Variants in KCNIP4 observed in about 807,000 individuals in gnomAD.
KCNIP4 encodes the protein potassium voltage-gated channel interacting protein 4.
KCNIP4 carries 12 observed loss-of-function variants against 34.0 expected under a neutral mutation model. The observed-to-expected ratio is 0.35, with a 90% CI of 0.23 to 0.57. The LOEUF (loss-of-function observed/expected upper bound fraction) is 0.57. Ranked by LOEUF, KCNIP4 falls within the 20% of genes least tolerant of loss-of-function variation. The pLI, the probability that KCNIP4 is intolerant of heterozygous loss-of-function variation, is 0.83. For missense variants in KCNIP4, 238 were observed against 311.7 expected (o/e 0.76, Z 1.78); for synonymous variants, 124 against 102.2 (o/e 1.21, Z -1.29).
chr4:21,042,946 A>G (rs1224675123), intron 1 of KCNIP4, among the ~76,000 whole-genome samples: 1 of 152,234 alleles, frequency 6.6e-6, no homozygotes, highest in Non-Finnish European at 1.5e-5. Context: ...GAGCAATCAG[A>G]GTTCTAAATG....
At chr4:21,337,223 A>G (rs1716264236) in intron 1 of KCNIP4, among the ~76,000 whole-genome samples, 1 of 152,146 alleles carries the variant, frequency 6.6e-6, no homozygotes, top group Non-Finnish European at 1.5e-5. Context: ...GATTTTTATT[A>G]TGTCAAACTG....
At chr4:20,771,426 G>T (rs1004156335) in intron 3 of KCNIP4, among the ~76,000 whole-genome samples, 1 of 152,074 alleles carries the variant, frequency 6.6e-6, no homozygotes, top group Non-Finnish European at 1.5e-5. Flanking sequence ...ATAGTCAAAA[G>T]CATTCTAACA....
chr4:21,938,078 C>A (rs1443477559), intron 1 of KCNIP4, among the ~76,000 whole-genome samples: 2 of 152,124 alleles, frequency 1.3e-5, no homozygotes, highest in Non-Finnish European at 2.9e-5. Flanking sequence ...GATTGTAGTA[C>A]CATGTTCTCT....
At chr4:21,551,958 T>G (rs1738617019) in intron 1 of KCNIP4, among the ~76,000 whole-genome samples, 1 of 151,770 alleles carries the variant, frequency 6.6e-6, no homozygotes, top group South Asian at 2.1e-4. Flanking sequence ...CCTCTGTTTC[T>G]GCCTATGTAG....
chr4:21,489,469 C>CTATGATTTTAA (rs1318631199), intron 1 of KCNIP4, among the ~76,000 whole-genome samples: 2 of 151,986 alleles, frequency 1.3e-5, no homozygotes, highest in African/African-American at 4.8e-5. Context: ...CTGTTTAAAA[C>CTATGATTTTAA]CTATGATGAA....
At chr4:21,210,389 CT>C (rs1374149855) in intron 1 of KCNIP4, among the ~76,000 whole-genome samples, 1 of 152,120 alleles carries the variant, frequency 6.6e-6, no homozygotes, top group African/African-American at 2.4e-5. Flanking sequence ...AAATAGCATG[CT>C]GATTAAAAAT....
chr4:21,474,535 C>T (rs1336723537), intron 1 of KCNIP4, among the ~76,000 whole-genome samples: 1 of 152,144 alleles, frequency 6.6e-6, no homozygotes, highest in Admixed American at 6.6e-5. Flanking sequence ...CCTACTCTCC[C>T]TTCCACAGTG....
chr4:21,510,385 G>T (rs1457331011), intron 1 of KCNIP4, among the ~76,000 whole-genome samples: 2 of 152,066 alleles, frequency 1.3e-5, no homozygotes, highest in Non-Finnish European at 2.9e-5. Flanking sequence ...AGGTTGGGGT[G>T]GGGGAAGAAA....
At chr4:21,595,338 T>C (rs1742561190) in intron 1 of KCNIP4, among the ~76,000 whole-genome samples, 1 of 152,184 alleles carries the variant, frequency 6.6e-6, no homozygotes, top group Admixed American at 6.6e-5. Flanking sequence ...TTTTTATGGC[T>C]AAATAGTATT....
chr4:20,993,230 G>A (rs1422984076), intron 1 of KCNIP4, among the ~76,000 whole-genome samples: 2 of 151,972 alleles, frequency 1.3e-5, no homozygotes, highest in African/African-American at 4.8e-5. Flanking sequence ...AGGGTATGAA[G>A]ATGTCTATAT....
At chr4:21,032,574 T>G (rs191880041) in intron 1 of KCNIP4, among the ~76,000 whole-genome samples, 2 of 152,070 alleles carry the variant, frequency 1.3e-5, no homozygotes, top group Admixed American at 1.3e-4. Flanking sequence ...CTGAACCTGT[T>G]TTAGAGAGCC....
chr4:21,307,769 G>C (rs544897420), intron 1 of KCNIP4, among the ~76,000 whole-genome samples: 5 of 151,968 alleles, frequency 3.3e-5, no homozygotes, highest in African/African-American at 1.2e-4. Flanking sequence ...TTTTTTTTAG[G>C]AAGTCCTATT....
At chr4:21,814,282 G>A (rs753263242) in intron 1 of KCNIP4, among the ~76,000 whole-genome samples, 52 of 152,196 alleles carry the variant, frequency 3.4e-4, no homozygotes, top group African/African-American at 1.2e-3. Flanking sequence ...GATATGGTTT[G>A]GCTGTGTCCC....
chr4:20,780,710 T>G (rs1351395180), intron 3 of KCNIP4, among the ~76,000 whole-genome samples: 1 of 152,148 alleles, frequency 6.6e-6, no homozygotes, highest in Non-Finnish European at 1.5e-5. Flanking sequence ...TGACTAAAAC[T>G]AGTTCCTGCC....
At chr4:20,964,403 G>T (rs185511817) in intron 1 of KCNIP4, among the ~76,000 whole-genome samples, 115 of 152,260 alleles carry the variant, frequency 7.6e-4, no homozygotes, top group Non-Finnish European at 1.5e-3. Context: ...TAATCATTCT[G>T]GGAGCATCAT....
chr4:21,326,271 G>A (rs1157282649), intron 1 of KCNIP4, among the ~76,000 whole-genome samples: 4 of 147,302 alleles, frequency 2.7e-5, no homozygotes, highest in African/African-American at 1.0e-4. Flanking sequence ...ACATCTGGGT[G>A]CTCTAGAGTT....
intron 1 of KCNIP4, among the ~76,000 whole-genome samples, chr4:21,025,607 G>T (rs555952217): frequency 6.6e-5 from 8 of 121,832 alleles, no homozygotes; most frequent in African/African-American, 2.6e-4. Flanking sequence ...AGGCTAGAGT[G>T]CAGTGGTGCG....
chr4:21,231,816 A>T (rs892324482), intron 1 of KCNIP4, among the ~76,000 whole-genome samples: 1 of 152,130 alleles, frequency 6.6e-6, no homozygotes, highest in African/African-American at 2.4e-5. Flanking sequence ...TGAAATTGCA[A>T]TAACATTAAT....
chr4:21,611,969 T>C (rs1184092859), intron 1 of KCNIP4, among the ~76,000 whole-genome samples: 1 of 152,188 alleles, frequency 6.6e-6, no homozygotes, highest in Non-Finnish European at 1.5e-5. Flanking sequence ...CTTTTCTCAA[T>C]GATTTAACTT....
Sources: gnomAD v4.1 joint callset for allele counts (sites outside exome capture counted in the v4.1 genomes callset) on GRCh38, gnomAD v4.1.1 for gene constraint, MANE v1.5 for transcripts, NCBI Gene and HGNC (gene_info 2026-07-23, HGNC 2026-07-21) for gene names.